DVL2: variants seen among roughly 807,000 people sequenced by gnomAD.
The protein encoded by DVL2 is segment polarity protein dishevelled homolog DVL-2.
In DVL2, 38 loss-of-function variants were observed where a neutral mutation model predicts 69.8. The ratio of observed to expected loss-of-function variants is 0.54; its 90% CI spans 0.42 to 0.71. The LOEUF (loss-of-function observed/expected upper bound fraction) is 0.71, where lower values mean the gene tolerates loss of function less well. Among genes scored for constraint, DVL2 ranks in the 30% least tolerant of loss-of-function variants. The pLI is 0.00. For missense variants in DVL2, 931 were observed against 1,008.1 expected (o/e 0.92, Z 1.04); for synonymous variants, 428 against 392.4 (o/e 1.09, Z -1.07).
chr17:7,230,196 C>T (rs1248086195), intron 3 of DVL2, 41 bp from the exon 4 acceptor site: 6 of 1,610,976 alleles, frequency 3.7e-6, no homozygotes, highest in Non-Finnish European at 5.1e-6. Flanking sequence ...ATCAGGAGAA[C>T]AGGGCTCCGG....
At chr17:7,227,894 A>G (rs1357856693) in intron 10 of DVL2, 83 bp downstream of exon 10, 1 of 1,565,884 alleles carries the variant, frequency 6.4e-7, no homozygotes, top group Non-Finnish European at 8.7e-7. Flanking sequence ...CCTCCCACCC[A>G]TTCCCCATGA....
chr17:7,226,769 A>C lies in DVL2; in HGVS notation c.1544-130T>G, dbSNP rs2071459206. On this transcript the variant is annotated intron_variant, in intron 13 of 14. Coordinates refer to ENST00000005340, the MANE Select transcript of DVL2 (RefSeq NM_004422.3). Reference sequence around the variant, plus strand: ...GATGGGGCTCAAAACAGGGGTTCACAAGGGTCTCTGACAAGAAACTCCCAT... The same window carrying C: ...GATGGGGCTCAAAACAGGGGTTCACCAGGGTCTCTGACAAGAAACTCCCAT... 6.7e-6 allele frequency: 5 copies of C among 749,966 alleles called. No individual in the cohort carries two copies. The South Asian group carries it at 8.2e-5, about 12-fold the overall frequency. The allele number at this position is 749,966 out of a possible 1,614,324, so 46.5% of individuals were successfully genotyped here.
At position 7,225,589 on chromosome 17, in the gene DVL2, T is replaced by G. The variant is rs2071430379; in HGVS notation, c.*276A>C. ...GGAATTCTTCATATAAAAGAGGAAA[T>G]GCCTATTAAAAAAGTCCCAAAAATG... On this transcript the variant is annotated 3_prime_UTR_variant, in exon 15 of 15. Coordinates refer to ENST00000005340, the MANE Select transcript of DVL2 (RefSeq NM_004422.3). 1 of 499,822 alleles carries G rather than the reference T, an allele frequency of 2.0e-6. No homozygotes were observed. Among genetic ancestry groups the G allele is most frequent in the South Asian group, 2.3e-5 (1 of 42,650 alleles). 31.0% of individuals were successfully genotyped at this position (499,822 alleles called of 1,614,324 possible). A position where few individuals can be genotyped will look rare whatever the true frequency, so the allele number is the denominator to read the frequency against.
intron 12 of DVL2, 50 bp downstream of exon 12, chr17:7,227,354 G>A (rs2071473287): frequency 1.9e-6 from 3 of 1,605,030 alleles, no homozygotes. Flanking sequence ...CCTGGCTTTG[G>A]TCACCACCTC....
Position 7,225,407 on chromosome 17 carries a change from G to C in DVL2, c.*458C>G. ...GACTAAAATAAATAGAGTAACAAAG[G>C]CAGCTACATGGCCCAAATCTCCCAG... is the stretch of plus-strand genomic sequence containing the variant. On this transcript the variant is annotated 3_prime_UTR_variant, in exon 15 of 15. Coordinates refer to ENST00000005340, the MANE Select transcript of DVL2 (RefSeq NM_004422.3). 2.1e-6 allele frequency: 1 copy of C among 469,096 alleles called. No homozygotes were observed. Among genetic ancestry groups the C allele is most frequent in the Non-Finnish European group, 3.9e-6 (1 of 257,160 alleles). 29.1% of individuals were successfully genotyped at this position (469,096 alleles called of 1,614,324 possible).
intron 1 of DVL2, chr17:7,233,817 G>T (rs1034118896): frequency 1.7e-6 from 1 of 573,658 alleles, no homozygotes; most frequent in African/African-American, 1.9e-5. Context: ...AAACCAGTAT[G>T]CCCCCACCTA....
At chr17:7,230,537 A>C in intron 2 of DVL2, 107 bp from the exon 3 acceptor site, 1 of 1,477,306 alleles carries the variant, frequency 6.8e-7, no homozygotes, top group Non-Finnish European at 9.2e-7. Context: ...GAGAAGAGCA[A>C]AAAAACCTAG....
rs2071599230 is a variant in DVL2 at position 7,234,257 on chromosome 17, C to T, written c.6G>A (p.Ala2=). The T allele has an allele frequency of 1.9e-6, 3 of 1,611,764 alleles. No individual in the cohort carries two copies. Among genetic ancestry groups the T allele is most frequent in the African/African-American group, 2.7e-5 (2 of 74,990 alleles). Reference sequence around the variant, plus strand: ...CCCCACCGCCCCCAGTGCTGCTACCCGCCATGGTCTCGCCCGCGCGCTCCC... The same window carrying T: ...CCCCACCGCCCCCAGTGCTGCTACCTGCCATGGTCTCGCCCGCGCGCTCCC... The part of the protein sequence containing the change: M[A]GSSTGGGGVG... Residue 2 remains alanine (A), a synonymous_variant, in exon 1 of 15, where the codon GCG becomes GCA. Coordinates refer to ENST00000005340, the MANE Select transcript of DVL2 (RefSeq NM_004422.3).
intron 10 of DVL2, 74 bp downstream of exon 10, chr17:7,227,903 G>T: frequency 6.4e-7 from 1 of 1,568,690 alleles, no homozygotes; most frequent in South Asian, 1.2e-5. Context: ...CATTCCCCAT[G>T]ACCACAGGCC....
chr17:7,225,909 T>C lies in DVL2; in HGVS notation c.2167A>G (p.Met723Val), dbSNP rs1346093042. 2 of 1,613,824 alleles carry C rather than the reference T, an allele frequency of 1.2e-6. No homozygotes were observed. The highest frequency in any genetic ancestry group is 1.7e-6 in the Non-Finnish European group (2 of 1,180,038). ...AACTCGCTGGGATTGCCCATGGCCA[T>C]GTGGAAGCTTTGGCGGCTGGCTGTC... is the stretch of plus-strand genomic sequence containing the variant. The part of the protein sequence containing the change: ...ELTASRQSFH[M>V]AMGNPSEFFV... Residue 723 changes from methionine (M) to valine (V), a missense_variant, in exon 15 of 15, where the codon ATG (methionine) becomes GTG (valine). Met to Val is a conservative substitution (Grantham distance 21). Around this residue, in one of 3 missense-constraint regions of DVL2, gnomAD observed 314 missense variants for 313.7 expected, o/e 1.00. Transcript: ENST00000005340.
chr17:7,229,260 G>GA lies in DVL2; in HGVS notation c.831_832insT (p.Leu278SerfsTer11). The GA allele has an allele frequency of 6.2e-7, 1 of 1,614,158 alleles. No individual in the cohort carries two copies. The highest frequency in any genetic ancestry group is 8.5e-7 in the Non-Finnish European group (1 of 1,180,010). On this transcript the variant is annotated frameshift_variant, in exon 8 of 15. Coordinates refer to ENST00000005340, the MANE Select transcript of DVL2 (RefSeq NM_004422.3). LOFTEE classifies it high-confidence loss of function. The surrounding 1 kb of genome is among the most constrained non-coding windows in gnomAD (Gnocchi z 4.4). Reference sequence around the variant, plus strand: ...CTCTGGCCAACAATGGAGATACCCAGGAAGTTGTACTTCTCTGTGGAGAGA... The same window carrying GA: ...CTCTGGCCAACAATGGAGATACCCAGAGAAGTTGTACTTCTCTGTGGAGAGA...
chr17:7,229,785 G>A lies in DVL2; in HGVS notation c.656+23C>T. 1 of 1,604,660 alleles carries A rather than the reference G, an allele frequency of 6.2e-7. No individual in the cohort carries two copies. Among genetic ancestry groups the A allele is most frequent in the Non-Finnish European group, 8.5e-7 (1 of 1,173,670 alleles). ...AGACGAGACGGGGCTGGGTGCGCTG[G>A]GGAGAGCTGTGCGGAGCCACACCTG... is the stretch of plus-strand genomic sequence containing the variant. On this transcript the variant is annotated intron_variant, in intron 5 of 14. Coordinates refer to ENST00000005340, the MANE Select transcript of DVL2 (RefSeq NM_004422.3). The surrounding 1 kb of genome is among the most constrained non-coding windows in gnomAD (Gnocchi z 4.4).
chr17:7,234,468 G>A lies in DVL2; in HGVS notation c.-206C>T. ...TGCGACTCAAAGCCCCGGTCTCAGC[G>A]GCCGCCGCGCGCCACCGCCACCGAC... is the stretch of plus-strand genomic sequence containing the variant. On this transcript the variant is annotated 5_prime_UTR_variant, in exon 1 of 15. Transcript: ENST00000005340. The A allele has an allele frequency of 1.7e-6, 1 of 587,998 alleles. No individual in the cohort carries two copies. Among genetic ancestry groups the A allele is most frequent in the Non-Finnish European group, 2.8e-6 (1 of 356,454 alleles). The allele number at this position is 587,998 out of a possible 1,614,324, so 36.4% of individuals were successfully genotyped here. A position where few individuals can be genotyped will look rare whatever the true frequency, so the allele number is the denominator to read the frequency against.
chr17:7,230,269 A>T lies in DVL2; in HGVS notation c.410+16T>A. 6.2e-7 allele frequency: 1 copy of T among 1,613,892 alleles called. No individual in the cohort carries two copies. Among genetic ancestry groups the T allele is most frequent in the African/African-American group, 1.3e-5 (1 of 74,964 alleles). ...CTCACCTCCCTCCCCTGCAGTCAAGAATCTGAAGGACTCACTGGAAGGATG... is the reference window on the plus strand; with the variant it reads ...CTCACCTCCCTCCCCTGCAGTCAAGTATCTGAAGGACTCACTGGAAGGATG... On this transcript the variant is annotated intron_variant, in intron 3 of 14. Transcript: ENST00000005340.
At chr17:7,230,559 G>T in intron 2 of DVL2, 129 bp from the exon 3 acceptor site, 2 of 1,382,198 alleles carry the variant, frequency 1.4e-6, no homozygotes, top group South Asian at 1.3e-5. Context: ...AAGTATTAGA[G>T]ACTCCAGAAG....
chr17:7,230,784 C>T lies in DVL2; in HGVS notation c.208G>A (p.Glu70Lys). Residue 70 changes from glutamate to lysine, a missense_variant, in exon 2 of 15, where the codon GAA becomes AAA. Transcript: ENST00000005340. The stretch of plus-strand genomic sequence containing the variant: ...AGGCGGGCGTTGTCATCTGAAATTT[C>T]TTCCTTCACCACCCTGCCAAGCGAC... ...MDQDFGVVKE[E>K]ISDDNARLPC... The T allele has an allele frequency of 6.2e-7, 1 of 1,613,394 alleles. No individual in the cohort carries two copies. The highest frequency in any genetic ancestry group is 8.5e-7 in the Non-Finnish European group (1 of 1,179,626).
Position 7,230,041 on chromosome 17 carries a change from C to G in DVL2, c.520+5G>C, listed in dbSNP as rs200790016. 6 of 1,613,768 alleles carry G rather than the reference C, an allele frequency of 3.7e-6. No homozygotes were observed. Among genetic ancestry groups the G allele is most frequent in the Non-Finnish European group, 5.1e-6 (6 of 1,180,034 alleles). ...CCCTTCCCGGCCCCCAGGCCTGCCCCTCACCGCCATGCTCACTGCTGTCTC... is the reference window on the plus strand; with the variant it reads ...CCCTTCCCGGCCCCCAGGCCTGCCCGTCACCGCCATGCTCACTGCTGTCTC... On this transcript the variant is annotated splice_donor_5th_base_variant and intron_variant, in intron 4 of 14. Coordinates refer to ENST00000005340, the MANE Select transcript of DVL2 (RefSeq NM_004422.3).
Position 7,234,139 on chromosome 17 carries a change from C to A in DVL2, c.124G>T (p.Asp42Tyr), listed in dbSNP as rs754662745. ...GGCCGCTGCAGGACGCTCTTGAAAT[C>A]GCCGAGGGTGATGCGCTCGGCGGGG... ...PVPAERITLGDFKSVLQRPAG... is the reference protein window; with the variant it reads ...PVPAERITLGYFKSVLQRPAG... The change falls in exon 1 of 15, where the codon GAT becomes TAT. Residue 42 changes from aspartate to tyrosine, a missense_variant. Asp to Tyr is a radical substitution (Grantham distance 160). Coordinates refer to ENST00000005340, the MANE Select transcript of DVL2 (RefSeq NM_004422.3). 1 of 1,614,070 alleles carries A rather than the reference C, an allele frequency of 6.2e-7. No homozygotes were observed. The highest frequency in any genetic ancestry group is 1.3e-5 in the African/African-American group (1 of 74,930).
Position 7,229,548 on chromosome 17 carries a change from A to G in DVL2, c.747+40T>C, listed in dbSNP as rs754745206. The G allele has an allele frequency of 3.1e-6, 5 of 1,599,386 alleles. No individual in the cohort carries two copies. In the South Asian group the frequency reaches 5.6e-5, roughly 18 times the overall value. On this transcript the variant is annotated intron_variant, in intron 6 of 14. Coordinates refer to ENST00000005340, the MANE Select transcript of DVL2 (RefSeq NM_004422.3). The surrounding 1 kb of genome is among the most constrained non-coding windows in gnomAD (Gnocchi z 4.4). Reference sequence around the variant, plus strand: ...CCGCCCAAACCAAAGCCCATGCCCCACCTTCTCCCAGCACCAGCCTTCCTG... The same window carrying G: ...CCGCCCAAACCAAAGCCCATGCCCCGCCTTCTCCCAGCACCAGCCTTCCTG...
Sources: allele counts gnomAD v4.1 joint callset, GRCh38; gene constraint gnomAD v4.1.1; regional missense constraint gnomAD v4.1.1; non-coding constraint Gnocchi (gnomAD v3.1); transcripts MANE v1.5; gene names NCBI Gene and HGNC (gene_info 2026-07-23, HGNC 2026-07-21).